The following CDH12 variants were observed in gnomAD, a reference collection of about 807,000 sequenced individuals.
CDH12 encodes the protein cadherin-12.
A neutral mutation model predicts 74.1 loss-of-function variants in CDH12; 41 were observed. The observed-to-expected ratio is 0.55, with a 90% CI of 0.43 to 0.72. The LOEUF (loss-of-function observed/expected upper bound fraction) is 0.72, where lower values mean the gene tolerates loss of function less well. CDH12 is among the 30% of genes least tolerant of loss of function. The probability of loss-of-function intolerance (pLI) is 0.00; values close to 1 mark genes in which losing one functional copy is unlikely to be tolerated. For synonymous variants in CDH12, 399 were observed against 355.0 expected (o/e 1.12, Z -1.39); for missense variants, 945 against 977.2 (o/e 0.97, Z 0.44).
chr5:22,376,620 C>T (rs984163205), intron 3 of CDH12, among the ~76,000 whole-genome samples: 5 of 151,732 alleles, frequency 3.3e-5, no homozygotes, highest in Admixed American at 2.6e-4. Flanking sequence ...AGGCTCAAAC[C>T]GTCCTCCCAC....
intron 1 of CDH12, among the ~76,000 whole-genome samples, chr5:22,635,632 CA>C (rs1386537159): frequency 6.6e-6 from 1 of 152,014 alleles, no homozygotes; most frequent in East Asian, 1.9e-4. Context: ...AAATATTTTC[CA>C]GTCTGGGCGC....
intron 2 of CDH12, among the ~76,000 whole-genome samples, chr5:22,411,995 G>T (rs1450892115): frequency 6.6e-6 from 1 of 151,904 alleles, no homozygotes; most frequent in Non-Finnish European, 1.5e-5. Context: ...GAATATACAA[G>T]TTAATGTGCA....
chr5:21,979,442 A>G (rs1757212323), intron 5 of CDH12, among the ~76,000 whole-genome samples: 2 of 152,186 alleles, frequency 1.3e-5, no homozygotes, highest in Admixed American at 1.3e-4. Context: ...AAGGCTTAAA[A>G]AAGATACCCT....
Position 22,391,703 on chromosome 5 carries a change from G to T in CDH12, c.-333+13554C>A, listed in dbSNP as rs896561247. Among the ~76,000 whole-genome samples, 4 of 151,874 alleles carry T rather than the reference G, an allele frequency of 2.6e-5. No individual in the cohort carries two copies. In the South Asian group the frequency reaches 8.3e-4, roughly 31 times the overall value. ...TTTAAAAATGTCCTGAGGTTTTCCT[G>T]TGCAGGTCAGAAGTCTGAATAAGCA... is the stretch of plus-strand genomic sequence containing the variant. On this transcript the variant is annotated intron_variant, in intron 3 of 14. Coordinates refer to ENST00000382254, the MANE Select transcript of CDH12 (RefSeq NM_004061.5).
intron 2 of CDH12, among the ~76,000 whole-genome samples, chr5:22,428,427 G>T (rs937143769): frequency 6.6e-6 from 1 of 151,468 alleles, no homozygotes; most frequent in African/African-American, 2.4e-5. Context: ...TTTTATAGAG[G>T]AATACACATA....
At chr5:22,019,314 G>A (rs1024056452) in intron 5 of CDH12, among the ~76,000 whole-genome samples, 7 of 152,078 alleles carry the variant, frequency 4.6e-5, no homozygotes, top group African/African-American at 1.7e-4. Context: ...GAATTTTTAG[G>A]CATGATTTTT....
intron 6 of CDH12, among the ~76,000 whole-genome samples, chr5:21,942,590 C>A (rs1478213315): frequency 4.6e-5 from 7 of 151,558 alleles, no homozygotes; most frequent in Admixed American, 4.6e-4. Context: ...ACATATGTAT[C>A]CATATATGTA....
At chr5:22,682,857 A>G (rs905419837) in intron 1 of CDH12, among the ~76,000 whole-genome samples, 1 of 152,122 alleles carries the variant, frequency 6.6e-6, no homozygotes, top group Admixed American at 6.6e-5. Context: ...GATATTAAAG[A>G]ATAAATTAAC....
intron 1 of CDH12, among the ~76,000 whole-genome samples, chr5:22,572,550 A>C (rs1739592869): frequency 6.6e-6 from 1 of 152,164 alleles, no homozygotes; most frequent in Admixed American, 6.5e-5. Context: ...AAGGTTTTCA[A>C]ATCTTCCCTC....
intron 3 of CDH12, among the ~76,000 whole-genome samples, chr5:22,340,144 T>C (rs1739780608): frequency 6.6e-6 from 1 of 152,208 alleles, no homozygotes; most frequent in South Asian, 2.1e-4. Context: ...CCTTGAGCAT[T>C]AGCACTTCAG....
intron 3 of CDH12, among the ~76,000 whole-genome samples, chr5:22,311,299 T>G (rs1483023771): frequency 6.6e-6 from 1 of 152,220 alleles, no homozygotes; most frequent in Non-Finnish European, 1.5e-5. Flanking sequence ...TTGCCATGAA[T>G]TTACATTAAA....
intron 6 of CDH12, among the ~76,000 whole-genome samples, chr5:21,925,052 A>G (rs1462244192): frequency 2.0e-5 from 3 of 152,232 alleles, no homozygotes; most frequent in South Asian, 2.1e-4. Context: ...ACAACAAAAC[A>G]AAGAGGAAAA....
intron 8 of CDH12, among the ~76,000 whole-genome samples, chr5:21,831,858 C>A (rs537333532): frequency 5.9e-5 from 9 of 152,052 alleles, no homozygotes; most frequent in African/African-American, 1.9e-4. Flanking sequence ...TAAGTAAAGT[C>A]TCATATTTGA....
intron 1 of CDH12, among the ~76,000 whole-genome samples, chr5:22,731,272 G>A (rs572593299): frequency 2.0e-5 from 3 of 151,802 alleles, no homozygotes; most frequent in Non-Finnish European, 4.4e-5. Flanking sequence ...GCTATTGTGA[G>A]CTAGGTATAG....
chr5:22,181,223 G>A lies in CDH12; in HGVS notation c.-187+31275C>T, dbSNP rs138575326. Among the ~76,000 whole-genome samples the A allele has an allele frequency of 4.9e-4, 75 of 152,128 alleles. No individual in the cohort carries two copies. The East Asian group carries it at 0.012, about 25-fold the overall frequency. On this transcript the variant is annotated intron_variant, in intron 4 of 14. Transcript: ENST00000382254. ...TTGTGAAAGTTGTTGATAGGGTCAC[G>A]TATAAAGTTCCATGTGAACAAATCT...
At position 22,295,043 on chromosome 5, in the gene CDH12, C is replaced by A. The variant is rs1321508122; in HGVS notation, c.-332-82400G>T. On this transcript the variant is annotated intron_variant, in intron 3 of 14. Coordinates refer to ENST00000382254, the MANE Select transcript of CDH12 (RefSeq NM_004061.5). ...GAGATGGCCTAATCACCTTGACCAA[C>A]CTCCCCACTAATGTCCTCTAGTACT... Among the ~76,000 whole-genome samples, 3 of 152,214 alleles carry A rather than the reference C, an allele frequency of 2.0e-5. 1 individual carries two copies. The highest frequency in any genetic ancestry group is 2.0e-4 in the Admixed American group (3 of 15,278).
At chr5:22,539,902 A>G (rs773369950) in intron 1 of CDH12, among the ~76,000 whole-genome samples, 2 of 152,190 alleles carry the variant, frequency 1.3e-5, no homozygotes, top group African/African-American at 2.4e-5. Flanking sequence ...CAACTTGATC[A>G]TATTGCTTGC....
intron 6 of CDH12, among the ~76,000 whole-genome samples, chr5:21,945,937 G>A (rs2150095306): frequency 6.6e-6 from 1 of 151,346 alleles, no homozygotes; most frequent in Middle Eastern, 3.4e-3. Flanking sequence ...AAGAAACAGA[G>A]CAAATCTTAA....
chr5:22,307,506 C>T (rs1045345818), intron 3 of CDH12, among the ~76,000 whole-genome samples: 1 of 152,038 alleles, frequency 6.6e-6, no homozygotes, highest in East Asian at 1.9e-4. Flanking sequence ...TTTGATGCAT[C>T]CCAAGCACAC....
Sources: gnomAD v4.1 joint callset for allele counts (sites outside exome capture counted in the v4.1 genomes callset) on GRCh38, gnomAD v4.1.1 for gene constraint, MANE v1.5 for transcripts, NCBI Gene and HGNC (gene_info 2026-07-23, HGNC 2026-07-21) for gene names.